C8A: variants seen among roughly 807,000 people sequenced by gnomAD.
C8A encodes the protein complement C8 alpha chain, also known as complement component C8 alpha chain.
In C8A, 67 loss-of-function variants were observed where a neutral mutation model predicts 65.3. The observed-to-expected ratio is 1.03, with a 90% CI of 0.84 to 1.26. The LOEUF (loss-of-function observed/expected upper bound fraction) is 1.26. Among genes scored for constraint, C8A ranks in the 50% most tolerant of loss-of-function variants. The pLI is 0.00. For synonymous variants in C8A, 290 were observed against 259.4 expected (o/e 1.12, Z -1.13); for missense variants, 781 against 723.9 (o/e 1.08, Z -0.90).
chr1:56,916,880 C>G (rs1741985), intron 10 of C8A, among the ~76,000 whole-genome samples: 15,591 of 152,240 alleles, frequency 0.1, 1,248 homozygotes, highest in African/African-American at 0.22. Flanking sequence ...TCTGTGCAGA[C>G]AGCCTGTCAC....
intron 7 of C8A, among the ~76,000 whole-genome samples, chr1:56,900,510 G>T (rs1407419450): frequency 6.6e-6 from 1 of 152,108 alleles, no homozygotes; most frequent in Non-Finnish European, 1.5e-5. Flanking sequence ...GACCCCAGAG[G>T]TTACACTCTT....
At chr1:56,869,464 T>A (rs1408183421) in intron 2 of C8A, among the ~76,000 whole-genome samples, 2 of 152,352 alleles carry the variant, frequency 1.3e-5, no homozygotes, top group Non-Finnish European at 1.5e-5. Flanking sequence ...AATTGTGAAT[T>A]GTGCTGCTAT....
chr1:56,899,429 T>A (rs1201914698), intron 7 of C8A, among the ~76,000 whole-genome samples: 1 of 152,136 alleles, frequency 6.6e-6, no homozygotes, highest in African/African-American at 2.4e-5. Context: ...TGACAAGCTA[T>A]CTAAGTTAAG....
At position 56,881,625 on chromosome 1, in the gene C8A, C is replaced by A; in HGVS notation, c.645C>A (p.Tyr215Ter). The A allele has an allele frequency of 6.2e-7, 1 of 1,612,994 alleles. No individual in the cohort carries two copies. The change falls in exon 5 of 11, where the codon TAC (tyrosine) becomes TAA (stop). Residue 215 changes from tyrosine (Y) to a stop codon, truncating the protein, a stop_gained. Transcript: ENST00000361249. LOFTEE classifies it high-confidence loss of function. ...YFRKPYNFLK[Y>*]HFEALADTGI... ...GGAAACCCTACAACTTTCTGAAGTA[C>A]CACTTTGAAGTAAGTCTGAACAGAG...
chr1:56,885,779 T>C, intron 6 of C8A, 148 bp from the exon 7 acceptor site: 1 of 1,021,736 alleles, frequency 9.8e-7, no homozygotes, highest in Non-Finnish European at 1.5e-6. Context: ...CTCGATCTCC[T>C]GACCTTGTGA....
intron 7 of C8A, among the ~76,000 whole-genome samples, chr1:56,900,075 T>C (rs1245127164): frequency 6.6e-6 from 1 of 152,166 alleles, no homozygotes; most frequent in Non-Finnish European, 1.5e-5. Flanking sequence ...CATGGGACTG[T>C]AGTCAACATT....
intron 9 of C8A, among the ~76,000 whole-genome samples, chr1:56,911,278 A>G (rs1243158001): frequency 6.6e-6 from 1 of 152,148 alleles, no homozygotes; most frequent in African/African-American, 2.4e-5. Flanking sequence ...AGTGAGTCAC[A>G]TTTACTTAGT....
intron 8 of C8A, among the ~76,000 whole-genome samples, 165 bp from the exon 9 acceptor site, chr1:56,907,791 C>T (rs971548768): frequency 6.6e-6 from 1 of 152,080 alleles, no homozygotes; most frequent in Non-Finnish European, 1.5e-5. Flanking sequence ...AGTCTTGGTC[C>T]TTCCCTTCTG....
intron 7 of C8A, among the ~76,000 whole-genome samples, chr1:56,902,718 CTAATA>C (rs1407207277): frequency 6.6e-6 from 1 of 152,120 alleles, no homozygotes; most frequent in African/African-American, 2.4e-5. Context: ...ATTCATATAT[CTAATA>C]TAAGTGGAAT....
Position 56,908,087 on chromosome 1 carries a change from T to C in C8A, c.1354T>C (p.Tyr452His). ...TYRSWGRSLK[Y>H]NPVVIDFEMQ... The stretch of plus-strand genomic sequence containing the variant: ...CCGTTCCTGGGGGAGGTCATTAAAG[T>C]ATAATCCTGTTGTTATCGATTTTGA... Residue 452 changes from tyrosine (Y) to histidine (H), a missense_variant, in exon 9 of 11, where the codon TAT becomes CAT. Coordinates refer to ENST00000361249, the MANE Select transcript of C8A (RefSeq NM_000562.3). 3 of 1,614,194 alleles carry C rather than the reference T, an allele frequency of 1.9e-6. No individual in the cohort carries two copies. The highest frequency in any genetic ancestry group is 2.5e-6 in the Non-Finnish European group (3 of 1,180,018).
rs553140092 is a variant in C8A at position 56,856,404 on chromosome 1, C to A, written c.77+1426C>A. ...TACCTGTTACCTATTACCTAGTAAT[C>A]ATTCAGTGAAAGCTGTCACCAGTGC... is the stretch of plus-strand genomic sequence containing the variant. On this transcript the variant is annotated intron_variant, in intron 1 of 10. Transcript: ENST00000361249. 1.6e-4 allele frequency among the ~76,000 whole-genome samples: 24 copies of A among 152,216 alleles called. No individual in the cohort carries two copies. In the South Asian group the frequency reaches 2.9e-3, roughly 18 times the overall value.
intron 1 of C8A, among the ~76,000 whole-genome samples, chr1:56,857,848 C>T (rs1643993064): frequency 6.6e-6 from 1 of 152,048 alleles, no homozygotes; most frequent in South Asian, 2.1e-4. Context: ...CATACACTCT[C>T]ATCTGTCTTT....
At chr1:56,860,825 G>A (rs1644026782) in intron 1 of C8A, among the ~76,000 whole-genome samples, 1 of 152,222 alleles carries the variant, frequency 6.6e-6, no homozygotes, top group Non-Finnish European at 1.5e-5. Flanking sequence ...AAGAGAAAAA[G>A]AAGAAAGACC....
chr1:56,885,401 TATATATTTATTTAAATATATATTTAA>T, intron 6 of C8A, among the ~76,000 whole-genome samples: 1 of 125,460 alleles, frequency 8.0e-6, no homozygotes, highest in African/African-American at 2.9e-5. Flanking sequence ...TTTAAATAAA[TATATATTTATTTAAATATATATTTAA>T]ATATATATTT....
At position 56,914,636 on chromosome 1, in the gene C8A, C is replaced by A. The variant is rs186282575; in HGVS notation, c.1603+2011C>A. ...CTAAGTAGGAGGCAGGATAGCATAG[C>A]TCAGGTACCAAACCGATCTTTAGTT... On this transcript the variant is annotated intron_variant, in intron 10 of 10. Coordinates refer to ENST00000361249, the MANE Select transcript of C8A (RefSeq NM_000562.3). 5.3e-5 allele frequency among the ~76,000 whole-genome samples: 8 copies of A among 152,150 alleles called. No individual in the cohort carries two copies. In the South Asian group the frequency reaches 8.3e-4, roughly 16 times the overall value.
intron 9 of C8A, among the ~76,000 whole-genome samples, chr1:56,911,065 G>GTTTTTTTTTTTTTTT (rs11325191): frequency 7.0e-6 from 1 of 141,868 alleles, no homozygotes; most frequent in Non-Finnish European, 1.5e-5. Flanking sequence ...AAAAACATGG[G>GTTTTTTTTTTTTTTT]TTTTTTTTTT....
intron 7 of C8A, among the ~76,000 whole-genome samples, chr1:56,891,780 G>C (rs1644347833): frequency 6.6e-6 from 1 of 152,084 alleles, no homozygotes; most frequent in Non-Finnish European, 1.5e-5. Flanking sequence ...GCCTGAAGGT[G>C]CCAGCTTCAT....
chr1:56,891,402 A>G (rs1283115581), intron 7 of C8A, among the ~76,000 whole-genome samples: 1 of 152,122 alleles, frequency 6.6e-6, no homozygotes, highest in African/African-American at 2.4e-5. Context: ...AGAAGTATGG[A>G]CTGTATCTGT....
intron 7 of C8A, among the ~76,000 whole-genome samples, chr1:56,888,495 A>G (rs1365161070): frequency 6.6e-6 from 1 of 152,168 alleles, no homozygotes; most frequent in Non-Finnish European, 1.5e-5. Context: ...ATCAATGTAT[A>G]TGGATCACAA....
Sources: gnomAD v4.1 joint callset for allele counts (sites outside exome capture counted in the v4.1 genomes callset) on GRCh38, gnomAD v4.1.1 for gene constraint, MANE v1.5 for transcripts, NCBI Gene and HGNC (gene_info 2026-07-23, HGNC 2026-07-21) for gene names.